The following APOLD1 variants were observed in gnomAD, a reference collection of about 807,000 sequenced individuals.
The protein encoded by APOLD1 is apolipoprotein L domain-containing protein 1.
A neutral mutation model predicts 15.3 loss-of-function variants in APOLD1; 22 were observed. The ratio of observed to expected loss-of-function variants is 1.44; its 90% confidence interval spans 1.03 to 2.05. APOLD1 has a LOEUF of 2.05. APOLD1 is among the 30% of genes most tolerant of loss of function. The pLI, the probability that APOLD1 is intolerant of heterozygous loss-of-function variation, is 0.00. For missense variants in APOLD1, 394 were observed against 353.5 expected (o/e 1.11, Z -0.92); for synonymous variants, 190 against 167.4 (o/e 1.13, Z -1.04).
chr12:12,776,295 T>C (rs1305047193), intron 1 of APOLD1, among the ~76,000 whole-genome samples: 3 of 152,216 alleles, frequency 2.0e-5, no homozygotes, highest in African/African-American at 7.2e-5. Context: ...CCTCTGTAGA[T>C]ACAAAACAAG....
At chr12:12,756,036 A>G (rs1462441269) in intron 1 of APOLD1, among the ~76,000 whole-genome samples, 1 of 152,208 alleles carries the variant, frequency 6.6e-6, no homozygotes, top group Non-Finnish European at 1.5e-5. Flanking sequence ...GAGAACCCTG[A>G]CTAATCCAAG....
intron 1 of APOLD1, among the ~76,000 whole-genome samples, chr12:12,777,923 T>TTTTTTTTTTTTTTTTGTTG (rs1555092183): frequency 5.8e-5 from 7 of 121,570 alleles, no homozygotes; most frequent in Non-Finnish European, 8.5e-5. Flanking sequence ...TTTTTTTTTT[T>TTTTTTTTTTTTTTTTGTTG]TTGTTGTTGT....
chr12:12,751,885 T>C (rs1444949942), intron 1 of APOLD1, among the ~76,000 whole-genome samples: 1 of 152,146 alleles, frequency 6.6e-6, no homozygotes, highest in Non-Finnish European at 1.5e-5. Flanking sequence ...AATAAAGTGA[T>C]GTGACGGCAG....
intron 1 of APOLD1, among the ~76,000 whole-genome samples, chr12:12,766,503 G>C (rs1592302971): frequency 6.6e-6 from 1 of 152,134 alleles, no homozygotes; most frequent in Non-Finnish European, 1.5e-5. Flanking sequence ...AATTTAAAAA[G>C]AGATTTCTGA....
chr12:12,753,197 CAAG>C (rs1463182036), intron 1 of APOLD1, among the ~76,000 whole-genome samples: 20 of 152,172 alleles, frequency 1.3e-4, no homozygotes, highest in Admixed American at 1.3e-3. Context: ...GAAAGAGAGA[CAAG>C]AAACTCAATA....
At chr12:12,750,741 A>C (rs968010287) in intron 1 of APOLD1, among the ~76,000 whole-genome samples, 6 of 152,136 alleles carry the variant, frequency 3.9e-5, no homozygotes, top group Admixed American at 3.9e-4. Context: ...AGAAAAATGG[A>C]GTTAAGCCTT....
intron 1 of APOLD1, among the ~76,000 whole-genome samples, chr12:12,776,819 A>G (rs1947039107): frequency 6.6e-6 from 1 of 152,246 alleles, no homozygotes; most frequent in Non-Finnish European, 1.5e-5. Flanking sequence ...AAATCATATT[A>G]TATTGAATTA....
chr12:12,726,247 G>C (rs1565423052), intron 1 of APOLD1: 1 of 741,556 alleles, frequency 1.3e-6, no homozygotes, highest in Non-Finnish European at 2.3e-6. Flanking sequence ...CAGCCAGTCG[G>C]TGTCATTTTT....
intron 1 of APOLD1, among the ~76,000 whole-genome samples, chr12:12,750,655 T>C (rs1048532685): frequency 1.3e-5 from 2 of 152,168 alleles, no homozygotes; most frequent in African/African-American, 4.8e-5. Context: ...GAGTGTAGTA[T>C]ACTTTTGTCA....
At chr12:12,779,151 A>T (rs1046178383) in intron 1 of APOLD1, among the ~76,000 whole-genome samples, 23 of 151,464 alleles carry the variant, frequency 1.5e-4, no homozygotes, top group Admixed American at 1.3e-3. Flanking sequence ...CTTCTGTTTG[A>T]CTCTCAAGAT....
chr12:12,775,919 G>C (rs141761096), intron 1 of APOLD1, among the ~76,000 whole-genome samples: 1,620 of 141,944 alleles, frequency 0.011, 28 homozygotes, highest in African/African-American at 0.039. Flanking sequence ...TGAGAGGATT[G>C]CTTGAGCCTA....
At chr12:12,777,889 GTTTTTTTTTTTTTTTTTT>G (rs71436735) in intron 1 of APOLD1, among the ~76,000 whole-genome samples, 15 of 117,134 alleles carry the variant, frequency 1.3e-4, no homozygotes, top group Admixed American at 2.7e-4. Flanking sequence ...AAGGAAAGGT[GTTTTTTTTTTTTTTTTTT>G]TTTTTTTTTT....
At position 12,786,939 on chromosome 12, in the gene APOLD1, C is replaced by CA; in HGVS notation, c.35dup (p.His12GlnfsTer180). 1 of 1,457,716 alleles carries CA rather than the reference C, an allele frequency of 6.9e-7. No homozygotes were observed. The highest frequency in any genetic ancestry group is 1.5e-5 in the African/African-American group (1 of 67,708). The allele number at this position is 1,457,716 out of a possible 1,614,324, so 90.3% of individuals were successfully genotyped here. On this transcript the variant is annotated frameshift_variant, in exon 2 of 2. Coordinates refer to ENST00000356591, the MANE Select transcript of APOLD1 (RefSeq NM_030817.3). LOFTEE classifies it high-confidence loss of function. ...GGAGAGGCCGGCGGCCCGGGAGCCG[C>CA]ATGGGCCCGACGCGCTGCGGCGCTT...
At chr12:12,782,890 T>C (rs1476339537), upstream of APOLD1, among the ~76,000 whole-genome samples, 1 of 152,174 alleles carries the variant, frequency 6.6e-6, no homozygotes, top group Admixed American at 6.5e-5. Flanking sequence ...AAATTTGTTA[T>C]TGTGTCTTTA....
At chr12:12,761,964 T>C (rs1267416185) in intron 1 of APOLD1, among the ~76,000 whole-genome samples, 1 of 151,700 alleles carries the variant, frequency 6.6e-6, no homozygotes, top group Non-Finnish European at 1.5e-5. Flanking sequence ...GCCTCCCAAG[T>C]AGCTGGGACT....
intron 1 of APOLD1, among the ~76,000 whole-genome samples, chr12:12,761,743 AG>A (rs945954698): frequency 1.3e-5 from 2 of 151,696 alleles, no homozygotes; most frequent in African/African-American, 4.9e-5. Context: ...TGTATATGAG[AG>A]GGTGCTGGAA....
chr12:12,730,063 TGTGTGTGTGTGTGTGAGA>T (rs758978134), intron 1 of APOLD1, among the ~76,000 whole-genome samples: 13,038 of 116,488 alleles, frequency 0.11, 881 homozygotes, highest in Admixed American at 0.24. Flanking sequence ...TGTGTGTGTG[TGTGTGTGTGTGTGTGAGA>T]GAGAGAGAGA....
At chr12:12,778,671 T>A (rs1049849057) in intron 1 of APOLD1, among the ~76,000 whole-genome samples, 8 of 152,156 alleles carry the variant, frequency 5.3e-5, no homozygotes, top group African/African-American at 1.9e-4. Context: ...GATTGGCCAA[T>A]AGAATGCCAG....
intron 1 of APOLD1, chr12:12,771,602 T>G (rs956539960): frequency 2.0e-6 from 1 of 510,350 alleles, no homozygotes; most frequent in Non-Finnish European, 3.9e-6. Flanking sequence ...CATCGAGGCC[T>G]GTGTCCTGTT....
Sources: allele counts gnomAD v4.1 joint callset (sites outside exome capture counted in the v4.1 genomes callset), GRCh38; gene constraint gnomAD v4.1.1; transcripts MANE v1.5; gene names NCBI Gene and HGNC (gene_info 2026-07-23, HGNC 2026-07-21).